TBCA: variants seen among roughly 807,000 people sequenced by gnomAD.
TBCA encodes the protein tubulin folding cofactor A.
Under a neutral mutation model 15.8 loss-of-function variants are expected in TBCA, and 6 were observed. That is an observed-to-expected ratio of 0.38 (90% CI 0.21 to 0.75). The LOEUF (loss-of-function observed/expected upper bound fraction) is 0.75, where lower values mean the gene tolerates loss of function less well. Among genes scored for constraint, TBCA ranks in the 30% least tolerant of loss-of-function variants. The probability of loss-of-function intolerance (pLI) is 0.46; values close to 1 mark genes in which losing one functional copy is unlikely to be tolerated. For missense variants in TBCA, 90 were observed against 131.2 expected (o/e 0.69, Z 1.53); for synonymous variants, 32 against 42.3 (o/e 0.76, Z 0.94).
intron 1 of TBCA, among the ~76,000 whole-genome samples, chr5:77,708,814 C>T (rs1213943478): frequency 6.6e-6 from 1 of 152,052 alleles, no homozygotes; most frequent in Non-Finnish European, 1.5e-5. Flanking sequence ...TGTGATCCAC[C>T]AGCCTCGGCC....
intron 2 of TBCA, among the ~76,000 whole-genome samples, chr5:77,707,006 G>A (rs1016959147): frequency 2.6e-5 from 4 of 152,012 alleles, no homozygotes; most frequent in Non-Finnish European, 4.4e-5. Flanking sequence ...TTTTGTTTGG[G>A]AGAGTAGGTT....
At chr5:77,734,952 T>C (rs6453350) in intron 1 of TBCA, among the ~76,000 whole-genome samples, 16,262 of 152,276 alleles carry the variant, frequency 0.11, 936 homozygotes, top group Middle Eastern at 0.13. Context: ...GCTCAGATGA[T>C]TGTTAGGTAT....
chr5:77,757,440 C>T (rs1200271322), intron 1 of TBCA, among the ~76,000 whole-genome samples: 2 of 152,200 alleles, frequency 1.3e-5, no homozygotes, highest in Admixed American at 6.5e-5. Flanking sequence ...CTTCCACCAT[C>T]ATGGAAGCAG....
At chr5:77,714,031 T>A in intron 1 of TBCA, among the ~76,000 whole-genome samples, 1 of 149,308 alleles carries the variant, frequency 6.7e-6, no homozygotes. Context: ...CCCATCTATG[T>A]ACATTAAGAA....
At chr5:77,727,069 A>G (rs1251536736) in intron 1 of TBCA, among the ~76,000 whole-genome samples, 1 of 151,950 alleles carries the variant, frequency 6.6e-6, no homozygotes, top group Non-Finnish European at 1.5e-5. Flanking sequence ...AAGTCTCATG[A>G]TTTTTTAAAA....
intron 1 of TBCA, among the ~76,000 whole-genome samples, chr5:77,761,342 C>A (rs1747632432): frequency 6.6e-6 from 1 of 152,234 alleles, no homozygotes; most frequent in South Asian, 2.1e-4. Flanking sequence ...TACCCCCAAC[C>A]CCGTGCTCTC....
chr5:77,713,424 A>G (rs1044205530), intron 1 of TBCA, among the ~76,000 whole-genome samples: 2 of 152,210 alleles, frequency 1.3e-5, no homozygotes, highest in Non-Finnish European at 1.5e-5. Flanking sequence ...ATGACAGCAT[A>G]TTGAAGTATT....
intron 1 of TBCA, among the ~76,000 whole-genome samples, chr5:77,708,863 C>G (rs115868206): frequency 0.016 from 2,380 of 152,122 alleles, 54 homozygotes; most frequent in African/African-American, 0.055. Context: ...GCCACCGTGC[C>G]TGGCCCAAAG....
chr5:77,730,728 C>A (rs1746748469), intron 1 of TBCA, among the ~76,000 whole-genome samples: 1 of 152,060 alleles, frequency 6.6e-6, no homozygotes, highest in Non-Finnish European at 1.5e-5. Flanking sequence ...CCCACCTACC[C>A]ATCCATCCAT....
chr5:77,700,977 T>G (rs1489188081), intron 2 of TBCA, among the ~76,000 whole-genome samples: 1 of 152,100 alleles, frequency 6.6e-6, no homozygotes, highest in East Asian at 1.9e-4. Flanking sequence ...GAAGATAACA[T>G]TGTAAAAACC....
At chr5:77,694,060 A>C (rs1433150090) in intron 2 of TBCA, among the ~76,000 whole-genome samples, 1 of 152,246 alleles carries the variant, frequency 6.6e-6, no homozygotes. Flanking sequence ...TGAGTAATAA[A>C]GAAAAACAGT....
At chr5:77,756,844 C>T (rs1260581325) in intron 1 of TBCA, among the ~76,000 whole-genome samples, 3 of 149,992 alleles carry the variant, frequency 2.0e-5, no homozygotes, top group Non-Finnish European at 4.5e-5. Flanking sequence ...ACCCTTGAAA[C>T]TCCACAAACA....
chr5:77,694,694 T>G (rs1745834346), intron 2 of TBCA, among the ~76,000 whole-genome samples: 1 of 152,158 alleles, frequency 6.6e-6, no homozygotes, highest in Non-Finnish European at 1.5e-5. Context: ...ACTAAGGAGA[T>G]TAACGGTAAT....
chr5:77,739,474 G>C (rs1746984646), intron 1 of TBCA, among the ~76,000 whole-genome samples: 1 of 152,098 alleles, frequency 6.6e-6, no homozygotes. Context: ...ACAAAAGTTT[G>C]AAATATCTTG....
chr5:77,766,016 T>C (rs1328685725), intron 1 of TBCA, among the ~76,000 whole-genome samples: 2 of 152,158 alleles, frequency 1.3e-5, no homozygotes, highest in African/African-American at 4.8e-5. Flanking sequence ...CTTAACAATG[T>C]ACAAATTCCT....
At position 77,776,317 on chromosome 5, in the gene TBCA, G is replaced by C. The variant is rs576491061; in HGVS notation, c.-60C>G. On this transcript the variant is annotated 5_prime_UTR_variant, in exon 1 of 4. Coordinates refer to ENST00000380377, the MANE Select transcript of TBCA (RefSeq NM_004607.3). The stretch of plus-strand genomic sequence containing the variant: ...AGCCGGGGTAACCGTGGAGGGCGAC[G>C]CGCAGAGGCTGCGGCTATTTAGGCG... The C allele has an allele frequency of 3.9e-6, 6 of 1,544,076 alleles. No homozygotes were observed. Among genetic ancestry groups the C allele is most frequent in the Admixed American group, 3.9e-5 (2 of 51,300 alleles).
Position 77,771,984 on chromosome 5 carries a change from G to A in TBCA, c.53+4221C>T, listed in dbSNP as rs548944950. ...CTTCCAAATAAAGGTTGTGACTTCC[G>A]AAGATAAATGAGGCTATGGAAAATG... On this transcript the variant is annotated intron_variant, in intron 1 of 3. Transcript: ENST00000380377. Among the ~76,000 whole-genome samples, 4 of 151,632 alleles carry A rather than the reference G, an allele frequency of 2.6e-5. No homozygotes were observed. The South Asian group carries it at 6.2e-4, about 24-fold the overall frequency.
rs190567534 is a variant in TBCA at position 77,766,377 on chromosome 5, A to G, written c.53+9828T>C. ...TTAAACAAATCCTTGATATATTTTC[A>G]TATCTTTTATATCTCTAATAAAATA... On this transcript the variant is annotated intron_variant, in intron 1 of 3. Coordinates refer to ENST00000380377, the MANE Select transcript of TBCA (RefSeq NM_004607.3). Among the ~76,000 whole-genome samples, 5 of 152,242 alleles carry G rather than the reference A, an allele frequency of 3.3e-5. No homozygotes were observed. The East Asian group carries it at 9.6e-4, about 29-fold the overall frequency.
chr5:77,733,649 T>C lies in TBCA; in HGVS notation c.54-25302A>G, dbSNP rs116381125. Among the ~76,000 whole-genome samples the C allele has an allele frequency of 9.3e-3, 1,410 of 152,296 alleles. 13 individuals are homozygous for C. Among genetic ancestry groups the C allele is most frequent in the Non-Finnish European group, 0.015 (1,036 of 68,028 alleles). On this transcript the variant is annotated intron_variant, in intron 1 of 3. Transcript: ENST00000380377. Reference sequence around the variant, plus strand: ...CTAGCAGAGATTGGTTCATGAGGTTTAAGAAAAGAAGACATCTCCATAACA... The same window carrying C: ...CTAGCAGAGATTGGTTCATGAGGTTCAAGAAAAGAAGACATCTCCATAACA...
Sources: gnomAD v4.1 joint callset for allele counts (sites outside exome capture counted in the v4.1 genomes callset) on GRCh38, gnomAD v4.1.1 for gene constraint, MANE v1.5 for transcripts, NCBI Gene and HGNC (gene_info 2026-07-23, HGNC 2026-07-21) for gene names.